Variants in POU6F2 observed in about 807,000 individuals in gnomAD.
The protein encoded by POU6F2 is POU domain, class 6, transcription factor 2.
In POU6F2, 31 loss-of-function variants were observed where a neutral mutation model predicts 71.3. The ratio of observed to expected loss-of-function variants is 0.43; its 90% CI spans 0.33 to 0.59. The LOEUF (loss-of-function observed/expected upper bound fraction) is 0.59. Among genes scored for constraint, POU6F2 ranks in the 20% least tolerant of loss-of-function variants. The probability of loss-of-function intolerance (pLI) is 0.04; values close to 1 mark genes in which losing one functional copy is unlikely to be tolerated. For missense variants in POU6F2, 783 were observed against 856.8 expected, an observed-to-expected ratio of 0.91 and a Z score of 1.07; for synonymous variants, 347 against 355.7, an observed-to-expected ratio of 0.98 and a Z score of 0.27.
At chr7:39,348,749 G>T (rs1172270916) in intron 5 of POU6F2, among the ~76,000 whole-genome samples, 1 of 152,144 alleles carries the variant, frequency 6.6e-6, no homozygotes, top group Non-Finnish European at 1.5e-5. Context: ...CTGATCCAAA[G>T]AAATTTTATT....
chr7:39,428,887 TTCTCG>T (rs986520895), intron 6 of POU6F2, among the ~76,000 whole-genome samples: 7 of 145,682 alleles, frequency 4.8e-5, no homozygotes, highest in African/African-American at 1.8e-4. Flanking sequence ...ACACCGCATG[TTCTCG>T]TCATAGGTGG....
intron 1 of POU6F2, among the ~76,000 whole-genome samples, chr7:39,000,562 CACA>C (rs753181545): frequency 0.16 from 24,236 of 148,274 alleles, 2,108 homozygotes; most frequent in Non-Finnish European, 0.21. Context: ...CACACACACA[CACA>C]CCCTCCCAAC....
intron 1 of POU6F2, among the ~76,000 whole-genome samples, chr7:39,045,718 G>A (rs1396304494): frequency 6.6e-6 from 1 of 151,762 alleles, no homozygotes; most frequent in Non-Finnish European, 1.5e-5. Context: ...TCTACAGCCA[G>A]TCTCCACTCC....
intron 1 of POU6F2, chr7:39,083,733 TAC>T (rs1237396994): frequency 1.3e-5 from 2 of 152,170 alleles, no homozygotes; most frequent in African/African-American, 4.8e-5. Context: ...CCGCATTGAT[TAC>T]ATTGATTATA....
chr7:39,403,930 T>A (rs1253085124), intron 5 of POU6F2, among the ~76,000 whole-genome samples: 2 of 152,184 alleles, frequency 1.3e-5, no homozygotes, highest in African/African-American at 4.8e-5. Context: ...GTGACTGTGG[T>A]TCTAGCTCTA....
intron 1 of POU6F2, chr7:39,013,413 C>T (rs148386765): frequency 0.023 from 3,578 of 156,602 alleles, 135 homozygotes; most frequent in African/African-American, 0.08. Context: ...ACCCACTGAC[C>T]TGCGCCCACT....
intron 6 of POU6F2, among the ~76,000 whole-genome samples, chr7:39,408,203 G>A (rs1011887698): frequency 6.6e-6 from 1 of 152,158 alleles, no homozygotes; most frequent in South Asian, 2.1e-4. Flanking sequence ...ACTCCTGCCA[G>A]GGAGCTGGCC....
At chr7:39,217,913 A>G (rs941417186) in intron 4 of POU6F2, among the ~76,000 whole-genome samples, 3 of 152,230 alleles carry the variant, frequency 2.0e-5, no homozygotes, top group Non-Finnish European at 2.9e-5. Flanking sequence ...TATACTGCGT[A>G]TTTAAGAGAT....
intron 2 of POU6F2, among the ~76,000 whole-genome samples, chr7:39,106,518 A>T (rs986372067): frequency 6.6e-6 from 1 of 152,160 alleles, no homozygotes. Context: ...CATTTTTTCT[A>T]TGCAGACATA....
rs1785080544 is a variant in POU6F2, at chr7:39,308,050, C to T, written c.599-31592C>T. On this transcript the variant is annotated intron_variant, in intron 4 of 9. Coordinates refer to ENST00000518318, the MANE Select transcript of POU6F2 (RefSeq NM_001370959.1). ...AACTGTTGCCTCCACTGTCCACCTACTTCCAGTGCCAGGTGCCACCGAACA... is the reference window on the plus strand; with the variant it reads ...AACTGTTGCCTCCACTGTCCACCTATTTCCAGTGCCAGGTGCCACCGAACA... 1.3e-5 allele frequency among the ~76,000 whole-genome samples: 2 copies of T among 152,198 alleles called. 1 individual carries two copies. Among genetic ancestry groups the T allele is most frequent in the South Asian group, 4.1e-4 (2 of 4,822 alleles).
At chr7:39,012,910 A>G (rs1789342552) in intron 1 of POU6F2, among the ~76,000 whole-genome samples, 1 of 152,118 alleles carries the variant, frequency 6.6e-6, no homozygotes, top group Admixed American at 6.5e-5. Context: ...GTGCTGGGAG[A>G]ACCACTGCTC....
At chr7:39,362,196 TG>T (rs1786402429) in intron 5 of POU6F2, among the ~76,000 whole-genome samples, 1 of 152,038 alleles carries the variant, frequency 6.6e-6, no homozygotes, top group Admixed American at 6.5e-5. Flanking sequence ...AAATACATCT[TG>T]AAGTTTCTAG....
intron 1 of POU6F2, among the ~76,000 whole-genome samples, chr7:39,054,033 T>A (rs1056344098): frequency 1.1e-4 from 17 of 151,252 alleles, no homozygotes; most frequent in Non-Finnish European, 2.1e-4. Flanking sequence ...AACCTGGAGG[T>A]GGAGGTTGCA....
chr7:39,221,072 T>C (rs1794345418), intron 4 of POU6F2, among the ~76,000 whole-genome samples: 1 of 152,192 alleles, frequency 6.6e-6, no homozygotes, highest in Non-Finnish European at 1.5e-5. Context: ...TTTTAAAATA[T>C]GGACACCAGA....
intron 4 of POU6F2, among the ~76,000 whole-genome samples, chr7:39,271,611 G>A (rs1379440400): frequency 6.6e-6 from 1 of 152,046 alleles, no homozygotes; most frequent in African/African-American, 2.4e-5. Context: ...TGTGTGAGCC[G>A]TGGGGAGCAG....
intron 1 of POU6F2, among the ~76,000 whole-genome samples, chr7:39,059,794 T>A (rs1463755594): frequency 6.6e-6 from 1 of 152,166 alleles, no homozygotes; most frequent in East Asian, 1.9e-4. Context: ...CATCTATTGA[T>A]GAACAGATAA....
chr7:39,330,722 T>G (rs1350813963), intron 4 of POU6F2, among the ~76,000 whole-genome samples: 1 of 152,254 alleles, frequency 6.6e-6, no homozygotes, highest in Non-Finnish European at 1.5e-5. Context: ...GACATTGAAA[T>G]TGTACATATT....
chr7:39,071,546 A>G (rs1055738676), intron 1 of POU6F2, among the ~76,000 whole-genome samples: 4 of 151,882 alleles, frequency 2.6e-5, no homozygotes, highest in Middle Eastern at 3.2e-3. Flanking sequence ...AGGTATGGTG[A>G]CTGACACCTG....
At chr7:39,420,880 T>G (rs1787834241) in intron 6 of POU6F2, among the ~76,000 whole-genome samples, 4 of 152,194 alleles carry the variant, frequency 2.6e-5, no homozygotes, top group Admixed American at 2.6e-4. Context: ...TTATAAATTA[T>G]TGAGCTTAAA....
Sources: allele counts gnomAD v4.1 joint callset (sites outside exome capture counted in the v4.1 genomes callset), GRCh38; gene constraint gnomAD v4.1.1; transcripts MANE v1.5; gene names NCBI Gene and HGNC (gene_info 2026-07-23, HGNC 2026-07-21).